Variants in ZC3H3 observed in about 807,000 individuals in gnomAD.
ZC3H3 encodes zinc finger CCCH-type containing 3.
In ZC3H3, 36 loss-of-function variants were observed where a neutral mutation model predicts 77.3. The observed-to-expected ratio is 0.47, with a 90% CI of 0.36 to 0.61. The LOEUF (loss-of-function observed/expected upper bound fraction) is 0.61, where lower values mean the gene tolerates loss of function less well. Ranked by LOEUF, ZC3H3 falls within the 20% of genes least tolerant of loss-of-function variation. The probability of loss-of-function intolerance (pLI) is 0.00; values close to 1 mark genes in which losing one functional copy is unlikely to be tolerated. For missense variants in ZC3H3, 1,331 were observed against 1,312.2 expected, an observed-to-expected ratio of 1.01 and a Z score of -0.22; for synonymous variants, 626 against 555.2, an observed-to-expected ratio of 1.13 and a Z score of -1.79.
chr8:143,515,290 G>A (rs35107904), intron 3 of ZC3H3, among the ~76,000 whole-genome samples: 1 of 152,214 alleles, frequency 6.6e-6, no homozygotes, highest in Non-Finnish European at 1.5e-5. Context: ...CACTCCCCCC[G>A]CTGCAACGCC....
intron 3 of ZC3H3, among the ~76,000 whole-genome samples, chr8:143,518,373 G>A (rs11777351): frequency 0.14 from 21,933 of 152,300 alleles, 1,713 homozygotes; most frequent in Admixed American, 0.21. Flanking sequence ...GCTCCGCCAT[G>A]TGGCACGGCC....
chr8:143,441,112 C>T lies in ZC3H3; in HGVS notation c.2316G>A (p.Lys772=). The T allele has an allele frequency of 7.0e-7, 1 of 1,436,634 alleles. No individual in the cohort carries two copies. Among genetic ancestry groups the T allele is most frequent in the Non-Finnish European group, 9.0e-7 (1 of 1,105,536 alleles). 89.0% of individuals were successfully genotyped at this position (1,436,634 alleles called of 1,614,324 possible). ...GYCPLGAKCK[K]KHTLLCPDFA... ...AGTCGGGGCACAGCAGCGTGTGTTT[C>T]TTCTTGCACTGCAGAGAGAAGGGGT... The change falls in exon 10 of 12, where the codon AAG becomes AAA. Residue 772 remains lysine, a synonymous_variant. Transcript: ENST00000262577.
chr8:143,438,751 G>C (rs975337156), intron 11 of ZC3H3, among the ~76,000 whole-genome samples: 1 of 152,228 alleles, frequency 6.6e-6, no homozygotes, highest in African/African-American at 2.4e-5. Context: ...CCGCTGAATA[G>C]AGATGTCTCC....
chr8:143,535,491 C>G (rs964652767), intron 3 of ZC3H3, among the ~76,000 whole-genome samples: 3 of 152,214 alleles, frequency 2.0e-5, no homozygotes, highest in Non-Finnish European at 4.4e-5. Flanking sequence ...TCGCACAGGA[C>G]CAGGTGCACA....
intron 5 of ZC3H3, 90 bp from the exon 6 acceptor site, chr8:143,468,749 G>C: frequency 6.9e-7 from 1 of 1,459,480 alleles, no homozygotes; most frequent in South Asian, 1.4e-5. Context: ...GGCCCTCAGG[G>C]GTCCCAACAC....
chr8:143,440,910 A>C (rs773043233), intron 10 of ZC3H3, 26 bp downstream of exon 10: 2 of 1,403,260 alleles, frequency 1.4e-6, no homozygotes, highest in Admixed American at 3.0e-5. Flanking sequence ...CCAGGCTCAC[A>C]TGCACAGTGC....
At position 143,538,037 on chromosome 8, in the gene ZC3H3, G is replaced by A. The variant is rs765443312; in HGVS notation, c.1330C>T (p.Arg444Cys). 16 of 1,611,220 alleles carry A rather than the reference G, an allele frequency of 9.9e-6. No individual in the cohort carries two copies. Among genetic ancestry groups the A allele is most frequent in the African/African-American group, 5.3e-5 (4 of 74,896 alleles). The change falls in exon 2 of 12, where the codon CGC (arginine) becomes TGC (cysteine). Residue 444 changes from arginine (R) to cysteine (C), a missense_variant. Physicochemically the swap from Arg to Cys is radical, Grantham distance 180. Around this residue, in one of 3 missense-constraint regions of ZC3H3, gnomAD observed 978 missense variants for 915.5 expected, o/e 1.07. Transcript: ENST00000262577. Reference sequence around the variant, plus strand: ...CTGCGTCTCCGGATGATCTTGGTGCGGCTCTTCACTTTGTAAGCCGAGAGC... The same window carrying A: ...CTGCGTCTCCGGATGATCTTGGTGCAGCTCTTCACTTTGTAAGCCGAGAGC... ...TPLSAYKVKS[R>C]TKIIRRRSST...
rs914382686 is a variant in ZC3H3, at chr8:143,460,698, T to A, written c.2307+5019A>T. Among the ~76,000 whole-genome samples the A allele has an allele frequency of 5.3e-5, 8 of 152,154 alleles. No homozygotes were observed. Among genetic ancestry groups the A allele is most frequent in the African/African-American group, 2.4e-5 (1 of 41,416 alleles). On this transcript the variant is annotated intron_variant, in intron 9 of 11. Transcript: ENST00000262577. This position sits in a 1 kb window ranked among gnomAD's most constrained non-coding sequence, Gnocchi z 4.0. ...AAAACGCAGTGCACACACAACGGAATGTTACTCTACCATAAGAAAGGAATG... is the reference window on the plus strand; with the variant it reads ...AAAACGCAGTGCACACACAACGGAAAGTTACTCTACCATAAGAAAGGAATG...
chr8:143,528,153 G>A (rs1277135109), intron 3 of ZC3H3, among the ~76,000 whole-genome samples: 1 of 152,182 alleles, frequency 6.6e-6, no homozygotes, highest in South Asian at 2.1e-4. Flanking sequence ...AGCCCACCCT[G>A]GCAACCACCC....
chr8:143,500,376 C>T (rs1282737176), intron 4 of ZC3H3, among the ~76,000 whole-genome samples: 5 of 152,242 alleles, frequency 3.3e-5, no homozygotes, highest in Admixed American at 6.5e-5. Context: ...CCTTTGGTGT[C>T]TAGGACCTCC....
chr8:143,539,456 C>A lies in ZC3H3; in HGVS notation c.47-136G>T. The A allele has an allele frequency of 4.2e-6, 4 of 950,280 alleles. No individual in the cohort carries two copies. The South Asian group carries it at 7.0e-5, about 17-fold the overall frequency. 58.9% of individuals were successfully genotyped at this position (950,280 alleles called of 1,614,324 possible). On this transcript the variant is annotated intron_variant, in intron 1 of 11. Transcript: ENST00000262577. The stretch of plus-strand genomic sequence containing the variant: ...GAGCCCCTGCCAGTTTCAGGAGGGG[C>A]AGCCCCCAGAGCCTGGGACTCACTG...
intron 5 of ZC3H3, among the ~76,000 whole-genome samples, chr8:143,471,252 G>A (rs1196126030): frequency 1.4e-4 from 21 of 152,272 alleles, no homozygotes; most frequent in Non-Finnish European, 2.5e-4. Context: ...TCCAGGGCAC[G>A]TCCGTCTGGC....
intron 3 of ZC3H3, 137 bp downstream of exon 3, chr8:143,536,120 C>A: frequency 9.2e-7 from 1 of 1,084,112 alleles, no homozygotes; most frequent in Admixed American, 2.7e-5. Context: ...CCACCACCAC[C>A]GTCTGCCAGG....
chr8:143,441,452 G>C (rs1325978755), intron 9 of ZC3H3, among the ~76,000 whole-genome samples: 1 of 152,186 alleles, frequency 6.6e-6, no homozygotes, highest in Non-Finnish European at 1.5e-5. Context: ...GCCTCTGCCA[G>C]ACCCCAGCCA....
chr8:143,512,735 G>T (rs898257138), intron 3 of ZC3H3, among the ~76,000 whole-genome samples: 3 of 152,244 alleles, frequency 2.0e-5, no homozygotes, highest in Non-Finnish European at 4.4e-5. Context: ...CCACCCCAGA[G>T]CTCAGGGGGT....
At position 143,538,259 on chromosome 8, in the gene ZC3H3, G is replaced by T. The variant is rs752249331; in HGVS notation, c.1108C>A (p.Pro370Thr). The T allele has an allele frequency of 1.1e-5, 17 of 1,612,916 alleles. No homozygotes were observed. The highest frequency in any genetic ancestry group is 1.4e-5 in the Non-Finnish European group (17 of 1,180,042). ...TTGTACTTGCTGGGGGCAGACCCTG[G>T]CTTGGAGGACGTGGCTGGCTTCCTG... ...KPRKPATSSK[P>T]GSAPSKYKWK... Residue 370 changes from proline to threonine, a missense_variant, in exon 2 of 12, where the codon CCA (proline) becomes ACA (threonine). Around this residue, in one of 3 missense-constraint regions of ZC3H3, gnomAD observed 978 missense variants for 915.5 expected, o/e 1.07. Coordinates refer to ENST00000262577, the MANE Select transcript of ZC3H3 (RefSeq NM_015117.3).
At chr8:143,532,756 C>T (rs1224656048) in intron 3 of ZC3H3, among the ~76,000 whole-genome samples, 1 of 152,230 alleles carries the variant, frequency 6.6e-6, no homozygotes, top group Non-Finnish European at 1.5e-5. Flanking sequence ...GGCATGGAGA[C>T]GGTGGGCCTT....
intron 3 of ZC3H3, among the ~76,000 whole-genome samples, chr8:143,525,366 G>A (rs896902248): frequency 1.1e-4 from 16 of 152,344 alleles, no homozygotes; most frequent in South Asian, 2.1e-4. Flanking sequence ...GGGCGTGGGC[G>A]CGGTCTCCTC....
chr8:143,456,925 A>G (rs138278575), intron 9 of ZC3H3, among the ~76,000 whole-genome samples: 34 of 152,334 alleles, frequency 2.2e-4, no homozygotes, highest in African/African-American at 8.2e-4. Flanking sequence ...ATGTAAATGC[A>G]CCAAACAAAA....
Sources: gnomAD v4.1 joint callset for allele counts (sites outside exome capture counted in the v4.1 genomes callset) on GRCh38, gnomAD v4.1.1 for gene constraint, gnomAD v4.1.1 regional missense constraint, Gnocchi (gnomAD v3.1) non-coding constraint, MANE v1.5 for transcripts, NCBI Gene and HGNC (gene_info 2026-07-23, HGNC 2026-07-21) for gene names.